Variants in SMIM14 observed in about 807,000 individuals in gnomAD.
SMIM14 encodes chromosome 4 open reading frame 34.
A neutral mutation model predicts 12.6 loss-of-function variants in SMIM14; 5 were observed. The ratio of observed to expected loss-of-function variants is 0.40; its 90% CI spans 0.21 to 0.83. The LOEUF (loss-of-function observed/expected upper bound fraction) is 0.83, where lower values mean the gene tolerates loss of function less well. SMIM14 is among the 40% of genes least tolerant of loss of function. SMIM14 has a pLI of 0.37. For synonymous variants in SMIM14, 30 were observed against 40.1 expected (o/e 0.75, Z 0.95); for missense variants, 86 against 119.1 (o/e 0.72, Z 1.29).
intron 2 of SMIM14, among the ~76,000 whole-genome samples, chr4:39,577,664 G>A (rs974479244): frequency 6.6e-6 from 1 of 152,118 alleles, no homozygotes; most frequent in East Asian, 1.9e-4. Context: ...GTGACCTCAA[G>A]TGATCCTCCC....
At position 39,546,525 on chromosome 4, in the gene SMIM14, A is replaced by G. The variant is rs1439270982; in HGVS notation, c.*5601T>C. On this transcript the variant is annotated 3_prime_UTR_variant, in exon 5 of 5. Coordinates refer to ENST00000295958, the MANE Select transcript of SMIM14 (RefSeq NM_174921.3). ...TTTGGAGGGGGGGGAACCCCCAACA[A>G]CTCTACAAATTGAGATCCAGAACAG... The G allele has an allele frequency of 6.6e-6, 1 of 152,262 alleles. No individual in the cohort carries two copies. The highest frequency in any genetic ancestry group is 2.4e-5 in the African/African-American group (1 of 41,468). 9.4% of individuals were successfully genotyped at this position (152,262 alleles called of 1,614,324 possible).
intron 1 of SMIM14, among the ~76,000 whole-genome samples, chr4:39,630,009 T>C (rs1031974275): frequency 6.6e-6 from 1 of 152,184 alleles, no homozygotes; most frequent in Middle Eastern, 3.2e-3. Flanking sequence ...TGGTACCAGT[T>C]TGTTAAAGAT....
At chr4:39,606,302 C>T (rs1210095406) in intron 1 of SMIM14, among the ~76,000 whole-genome samples, 13 of 149,626 alleles carry the variant, frequency 8.7e-5, no homozygotes, top group African/African-American at 2.7e-4. Flanking sequence ...GCCATGATCA[C>T]GCCACTGCAT....
At chr4:39,628,064 T>C (rs1219270739) in intron 1 of SMIM14, among the ~76,000 whole-genome samples, 1 of 152,132 alleles carries the variant, frequency 6.6e-6, no homozygotes, top group Non-Finnish European at 1.5e-5. Flanking sequence ...ATCCCAGCAC[T>C]TTGCGGGGCC....
At chr4:39,628,215 G>T (rs1037789059) in intron 1 of SMIM14, among the ~76,000 whole-genome samples, 1 of 151,240 alleles carries the variant, frequency 6.6e-6, no homozygotes, top group Non-Finnish European at 1.5e-5. Context: ...GCTGAGGCAG[G>T]AGAACTGCTT....
chr4:39,634,409 G>C (rs1716018219), intron 1 of SMIM14, among the ~76,000 whole-genome samples: 1 of 152,080 alleles, frequency 6.6e-6, no homozygotes, highest in Admixed American at 6.6e-5. Context: ...GAAGCAGTAG[G>C]GTACAGTGAT....
At chr4:39,609,030 G>T (rs1442891168) in intron 1 of SMIM14, among the ~76,000 whole-genome samples, 1 of 152,182 alleles carries the variant, frequency 6.6e-6, no homozygotes, top group Admixed American at 6.5e-5. Flanking sequence ...TGGCTGGAGT[G>T]CAGTGTCATG....
chr4:39,620,436 C>T (rs34503281), intron 1 of SMIM14, among the ~76,000 whole-genome samples: 10,763 of 151,802 alleles, frequency 0.071, 464 homozygotes, highest in African/African-American at 0.082. Context: ...CCGGAGATCG[C>T]GCCACTGCAC....
chr4:39,623,588 G>A (rs544426673), intron 1 of SMIM14, among the ~76,000 whole-genome samples: 10 of 152,308 alleles, frequency 6.6e-5, no homozygotes, highest in East Asian at 1.9e-4. Context: ...GGCCGGGCGC[G>A]GTGGCTCATG....
intron 1 of SMIM14, among the ~76,000 whole-genome samples, chr4:39,634,371 T>C (rs1442810434): frequency 6.6e-6 from 1 of 152,162 alleles, no homozygotes; most frequent in Non-Finnish European, 1.5e-5. Context: ...CTTAAAGTAC[T>C]GAACACAATT....
intron 1 of SMIM14, among the ~76,000 whole-genome samples, chr4:39,608,193 T>C (rs1273747875): frequency 6.6e-6 from 1 of 152,112 alleles, no homozygotes; most frequent in Non-Finnish European, 1.5e-5. Flanking sequence ...AGACTCAAGA[T>C]TGGGCATGGT....
intron 3 of SMIM14, among the ~76,000 whole-genome samples, chr4:39,567,117 C>CA (rs1186816037): frequency 2.9e-5 from 3 of 103,158 alleles, no homozygotes; most frequent in South Asian, 3.2e-4. Context: ...GCCTGGGCGA[C>CA]AGAGCAAAAC....
intron 1 of SMIM14, among the ~76,000 whole-genome samples, chr4:39,622,197 C>T (rs1715524689): frequency 6.6e-6 from 1 of 151,024 alleles, no homozygotes; most frequent in Non-Finnish European, 1.5e-5. Flanking sequence ...CATTCTCCTG[C>T]CTCAGCCTCC....
At chr4:39,565,959 C>T (rs1356066215) in intron 3 of SMIM14, among the ~76,000 whole-genome samples, 1 of 151,918 alleles carries the variant, frequency 6.6e-6, no homozygotes, top group Non-Finnish European at 1.5e-5. Flanking sequence ...TGCCTTTCAC[C>T]TTCCGCCATG....
intron 2 of SMIM14, among the ~76,000 whole-genome samples, chr4:39,577,130 T>C (rs986512652): frequency 5.9e-5 from 9 of 152,120 alleles, no homozygotes; most frequent in Middle Eastern, 3.4e-3. Flanking sequence ...CAGGTGAACA[T>C]GACCAGTGTT....
chr4:39,569,524 G>A (rs535562037), intron 3 of SMIM14, among the ~76,000 whole-genome samples: 1 of 152,272 alleles, frequency 6.6e-6, no homozygotes, highest in Non-Finnish European at 1.5e-5. Flanking sequence ...GCCTTAAAAT[G>A]TGTGAAGAAA....
intron 1 of SMIM14, 118 bp from the exon 2 acceptor site, chr4:39,605,298 T>A: frequency 1.9e-6 from 1 of 538,192 alleles, no homozygotes; most frequent in Non-Finnish European, 3.2e-6. Flanking sequence ...GTATAGTTTG[T>A]ATTTATTGAC....
At chr4:39,600,695 A>AAAAAC (rs1283189995) in intron 2 of SMIM14, among the ~76,000 whole-genome samples, 2 of 151,918 alleles carry the variant, frequency 1.3e-5, no homozygotes, top group East Asian at 3.9e-4. Context: ...CATCTCAAGA[A>AAAAAC]AAAACAAAAC....
chr4:39,622,372 G>A (rs1256609117), intron 1 of SMIM14, among the ~76,000 whole-genome samples: 3 of 150,968 alleles, frequency 2.0e-5, no homozygotes, highest in African/African-American at 4.9e-5. Flanking sequence ...GTGAGCCACC[G>A]CGCCCGGCCA....
Sources: allele counts gnomAD v4.1 joint callset (sites outside exome capture counted in the v4.1 genomes callset), GRCh38; gene constraint gnomAD v4.1.1; transcripts MANE v1.5; gene names NCBI Gene and HGNC (gene_info 2026-07-23, HGNC 2026-07-21).